The following DFFA variants were observed in gnomAD, a reference collection of about 807,000 sequenced individuals.
DFFA encodes the protein DNA fragmentation factor subunit alpha.
DFFA carries 14 observed loss-of-function variants against 28.0 expected under a neutral mutation model. The ratio of observed to expected loss-of-function variants is 0.50; its 90% confidence interval spans 0.33 to 0.78. DFFA has a LOEUF of 0.78. DFFA is among the 30% of genes least tolerant of loss of function. The probability of loss-of-function intolerance (pLI) is 0.02; values close to 1 mark genes in which losing one functional copy is unlikely to be tolerated. For missense variants in DFFA, 395 were observed against 407.1 expected, an observed-to-expected ratio of 0.97 and a Z score of 0.26; for synonymous variants, 158 against 170.3, an observed-to-expected ratio of 0.93 and a Z score of 0.56.
intron 3 of DFFA, among the ~76,000 whole-genome samples, chr1:10,463,828 C>T (rs534904397): frequency 3.9e-5 from 6 of 151,994 alleles, no homozygotes; most frequent in Non-Finnish European, 8.8e-5. Context: ...CCAAGCCCAG[C>T]TAATTTTTGT....
rs1195287448 is a variant in DFFA at position 10,460,083 on chromosome 1, A to G, written c.*1407T>C. 1 of 151,794 alleles carries G rather than the reference A, an allele frequency of 6.6e-6. No individual in the cohort carries two copies. The allele number at this position is 151,794 out of a possible 1,614,324, so 9.4% of individuals were successfully genotyped here. On this transcript the variant is annotated 3_prime_UTR_variant, in exon 6 of 6. Transcript: ENST00000377038. The stretch of plus-strand genomic sequence containing the variant: ...AATGTGACAAAACCCTGTCTCTACT[A>G]AAAATACAAAAATTAGCCGGGCATG...
chr1:10,469,402 A>G, intron 1 of DFFA, 64 bp from the exon 2 acceptor site: 1 of 1,474,694 alleles, frequency 6.8e-7, no homozygotes. Flanking sequence ...CTATCCCTGC[A>G]TCTCAAGTAT....
intron 1 of DFFA, among the ~76,000 whole-genome samples, chr1:10,470,682 C>T (rs1214022157): frequency 6.7e-6 from 1 of 150,156 alleles, no homozygotes; most frequent in East Asian, 2.0e-4. Context: ...ACCTCGGCCT[C>T]CCAAAGTGCT....
intron 2 of DFFA, among the ~76,000 whole-genome samples, chr1:10,468,199 T>C (rs1464443090): frequency 6.6e-6 from 1 of 151,996 alleles, no homozygotes; most frequent in Admixed American, 6.6e-5. Context: ...TGGTCACCAA[T>C]GTTAGTCCCC....
intron 2 of DFFA, 44 bp from the exon 3 acceptor site, chr1:10,467,376 GCT>G (rs1484794779): frequency 6.2e-7 from 1 of 1,611,574 alleles, no homozygotes; most frequent in Admixed American, 1.7e-5. Flanking sequence ...AACCTGAAGT[GCT>G]GTTTTCACCT....
chr1:10,469,431 G>A, intron 1 of DFFA, 93 bp from the exon 2 acceptor site: 1 of 1,108,092 alleles, frequency 9.0e-7, no homozygotes. Flanking sequence ...CCAGAGCTGA[G>A]CAGAACTCCT....
intron 5 of DFFA, 46 bp from the exon 6 acceptor site, chr1:10,461,748 C>T (rs765986425): frequency 3.1e-6 from 5 of 1,605,848 alleles, no homozygotes; most frequent in Non-Finnish European, 4.3e-6. Context: ...TTCTGTGCGC[C>T]TCTCCTGCTG....
At chr1:10,467,664 CCAT>C (rs1195469626) in intron 2 of DFFA, among the ~76,000 whole-genome samples, 2 of 152,118 alleles carry the variant, frequency 1.3e-5, no homozygotes, top group African/African-American at 2.4e-5. Flanking sequence ...GTGCCCACCA[CCAT>C]GACCAGCTAA....
rs1034866155 is a variant in DFFA at position 10,458,328 on chromosome 1, G to C, written c.*3162C>G. The C allele has an allele frequency of 6.6e-6, 1 of 152,002 alleles. No homozygotes were observed. Among genetic ancestry groups the C allele is most frequent in the African/African-American group, 2.4e-5 (1 of 41,388 alleles). 9.4% of individuals were successfully genotyped at this position (152,002 alleles called of 1,614,324 possible). ...TGAGTGTAGGTAGCTTATCAGCGGT[G>C]GCTTCTATTAAAGGATAATTAAGGA... On this transcript the variant is annotated 3_prime_UTR_variant, in exon 6 of 6. Coordinates refer to ENST00000377038, the MANE Select transcript of DFFA (RefSeq NM_004401.3).
chr1:10,466,453 T>G (rs1227625159), intron 3 of DFFA, among the ~76,000 whole-genome samples: 1 of 151,752 alleles, frequency 6.6e-6, no homozygotes, highest in Admixed American at 6.6e-5. Flanking sequence ...CCTCCCAAAG[T>G]GCTGAGATTA....
intron 5 of DFFA, 194 bp downstream of exon 5, chr1:10,462,864 G>A: frequency 1.4e-6 from 2 of 1,416,136 alleles, no homozygotes; most frequent in South Asian, 3.2e-5. Context: ...GGAAGTGTAT[G>A]CATTTTTCTT....
rs1641107811 is a variant in DFFA, at chr1:10,472,190, C to T, written c.136+133G>A. 4.4e-6 allele frequency: 5 copies of T among 1,143,350 alleles called. No homozygotes were observed. The highest frequency in any genetic ancestry group is 1.7e-5 in the South Asian group (1 of 59,436). 70.8% of individuals were successfully genotyped at this position (1,143,350 alleles called of 1,614,324 possible). A position where few individuals can be genotyped will look rare whatever the true frequency, so the allele number is the denominator to read the frequency against. On this transcript the variant is annotated intron_variant, in intron 1 of 5. Coordinates refer to ENST00000377038, the MANE Select transcript of DFFA (RefSeq NM_004401.3). This position sits in a 1 kb window ranked among gnomAD's most constrained non-coding sequence, Gnocchi z 5.0. The stretch of plus-strand genomic sequence containing the variant: ...CTGTAAATCGCTATGCCCACTCGGA[C>T]CGTTTCTGTCCCAAGCCTCCACCCG...
rs3215947 is a variant in DFFA, at chr1:10,467,050, CT to C, written c.441+139del. 396 of 904,300 alleles carry C rather than the reference CT, an allele frequency of 4.4e-4. 3 individuals carry two copies. The East Asian group carries it at 0.014, about 33-fold the overall frequency. 56.0% of individuals were successfully genotyped at this position (904,300 alleles called of 1,614,324 possible). On this transcript the variant is annotated intron_variant, in intron 3 of 5. Transcript: ENST00000377038. ...AGGTGAGAATGAGAAGATGAAAAATCTTAGTTGTAATTTAAGAATTATTTAA... is the reference window on the plus strand; with the variant it reads ...AGGTGAGAATGAGAAGATGAAAAATCTAGTTGTAATTTAAGAATTATTTAA...
intron 3 of DFFA, among the ~76,000 whole-genome samples, chr1:10,466,952 CAA>C (rs34597195): frequency 0.067 from 2,159 of 32,398 alleles, 9 homozygotes; most frequent in East Asian, 0.14. Context: ...GACTGTGTCT[CAA>C]AAAAAAAAAA....
At chr1:10,469,844 T>C (rs1484474664) in intron 1 of DFFA, among the ~76,000 whole-genome samples, 6 of 151,158 alleles carry the variant, frequency 4.0e-5, no homozygotes, top group Admixed American at 2.0e-4. Context: ...TCTTTCTTTT[T>C]TTTTTTTTTT....
intron 3 of DFFA, 101 bp from the exon 4 acceptor site, chr1:10,463,721 A>G (rs1056372181): frequency 7.2e-6 from 9 of 1,248,818 alleles, no homozygotes; most frequent in Non-Finnish European, 8.7e-6. Flanking sequence ...CTGGAGTGCG[A>G]TGGTGTGATC....
In DFFA at chr1:10,463,061, C is replaced by A. The variant is rs927911669; in HGVS notation, c.780G>T (p.Leu260Phe). The A allele has an allele frequency of 6.2e-7, 1 of 1,614,180 alleles. No homozygotes were observed. The highest frequency in any genetic ancestry group is 8.5e-7 in the Non-Finnish European group (1 of 1,180,018). ...AGTGACCCTGGTTTCCGCCCACCTC[C>A]AAATCCTGACTAGATAAGCTCAGCT... ...APELSLSSQDLELVTKEDPKA... is the reference protein window; with the variant it reads ...APELSLSSQDFELVTKEDPKA... The change falls in exon 5 of 6, where the codon TTG becomes TTT. Residue 260 changes from leucine to phenylalanine, a missense_variant. Leu to Phe is a conservative substitution (Grantham distance 22). Transcript: ENST00000377038.
chr1:10,463,349 T>C, intron 4 of DFFA, 82 bp downstream of exon 4: 1 of 1,550,954 alleles, frequency 6.4e-7, no homozygotes, highest in Non-Finnish European at 8.7e-7. Flanking sequence ...TGGCCCTGGC[T>C]ACATCACAAA....
intron 1 of DFFA, among the ~76,000 whole-genome samples, chr1:10,470,631 T>G (rs1172456307): frequency 6.7e-6 from 1 of 150,112 alleles, no homozygotes; most frequent in Non-Finnish European, 1.5e-5. Flanking sequence ...TTCACCGTGT[T>G]AGCCAGGATG....
Sources: gnomAD v4.1 joint callset for allele counts (sites outside exome capture counted in the v4.1 genomes callset) on GRCh38, gnomAD v4.1.1 for gene constraint, Gnocchi (gnomAD v3.1) non-coding constraint, MANE v1.5 for transcripts, NCBI Gene and HGNC (gene_info 2026-07-23, HGNC 2026-07-21) for gene names.